The following PLS1 variants were observed in gnomAD, a reference collection of about 807,000 sequenced individuals.
PLS1 encodes the protein plastin 1, also known as plastin-1.
Under a neutral mutation model 73.7 loss-of-function variants are expected in PLS1, and 32 were observed. The ratio of observed to expected loss-of-function variants is 0.43; its 90% CI spans 0.33 to 0.58. The LOEUF (loss-of-function observed/expected upper bound fraction) is 0.58, where lower values mean the gene tolerates loss of function less well. Ranked by LOEUF, PLS1 falls within the 20% of genes least tolerant of loss-of-function variation. PLS1 has a pLI of 0.04. For synonymous variants in PLS1, 217 were observed against 261.3 expected, an observed-to-expected ratio of 0.83 and a Z score of 1.63; for missense variants, 633 against 740.5, an observed-to-expected ratio of 0.85 and a Z score of 1.68.
intron 1 of PLS1, among the ~76,000 whole-genome samples, chr3:142,614,445 C>G (rs979424171): frequency 1.3e-5 from 2 of 152,186 alleles, no homozygotes; most frequent in Non-Finnish European, 2.9e-5. Flanking sequence ...CACATGTTAT[C>G]TAGAGGGTAC....
intron 1 of PLS1, among the ~76,000 whole-genome samples, chr3:142,611,813 T>C (rs770166205): frequency 7.9e-5 from 12 of 152,192 alleles, no homozygotes; most frequent in Non-Finnish European, 1.6e-4. Context: ...CTATTACATA[T>C]ATTAGGCCTT....
intron 1 of PLS1, among the ~76,000 whole-genome samples, chr3:142,634,249 A>T (rs2036628852): frequency 6.6e-6 from 1 of 152,218 alleles, no homozygotes; most frequent in Non-Finnish European, 1.5e-5. Flanking sequence ...AACAGAAGAA[A>T]TATTTGAAGA....
chr3:142,629,219 C>T (rs531677884), intron 1 of PLS1, among the ~76,000 whole-genome samples: 1 of 142,520 alleles, frequency 7.0e-6, no homozygotes, highest in African/African-American at 2.7e-5. Flanking sequence ...TTTTTTGAGA[C>T]ATAGTCTCAC....
chr3:142,673,350 C>T (rs79545936), intron 4 of PLS1, among the ~76,000 whole-genome samples: 1,650 of 152,194 alleles, frequency 0.011, 31 homozygotes, highest in African/African-American at 0.038. Flanking sequence ...CTTTTTATTG[C>T]TGAATATTCC....
chr3:142,657,137 C>T (rs2037256146), intron 1 of PLS1: 1 of 152,316 alleles, frequency 6.6e-6, no homozygotes, highest in Non-Finnish European at 1.5e-5. Context: ...TCTTCAGTGG[C>T]TACCTGGGAA....
At chr3:142,600,903 TATATATATATA>T (rs2035907776) in intron 1 of PLS1, among the ~76,000 whole-genome samples, 17 of 32,566 alleles carry the variant, frequency 5.2e-4, no homozygotes, top group African/African-American at 2.2e-3. Context: ...TATATATATA[TATATATATATA>T]TATTTTTTTT....
intron 1 of PLS1, among the ~76,000 whole-genome samples, chr3:142,621,501 G>C (rs562447131): frequency 3.3e-5 from 5 of 152,274 alleles, no homozygotes; most frequent in African/African-American, 1.2e-4. Flanking sequence ...CTATTATGAA[G>C]CATGAAAGGC....
chr3:142,699,274 A>G (rs1026136506), intron 12 of PLS1, among the ~76,000 whole-genome samples: 64 of 152,168 alleles, frequency 4.2e-4, no homozygotes, highest in African/African-American at 1.5e-3. Context: ...GCTGGCCAAC[A>G]TAGTGAAAGC....
chr3:142,598,856 G>C (rs911605847), intron 1 of PLS1, among the ~76,000 whole-genome samples: 9 of 151,882 alleles, frequency 5.9e-5, no homozygotes, highest in Admixed American at 2.0e-4. Flanking sequence ...AATTAGCTGG[G>C]GGGGCATGGT....
At chr3:142,631,873 T>C (rs894227743) in intron 1 of PLS1, among the ~76,000 whole-genome samples, 4 of 152,016 alleles carry the variant, frequency 2.6e-5, no homozygotes, top group Non-Finnish European at 5.9e-5. Flanking sequence ...CACATGGGAC[T>C]TCATCAAACC....
intron 1 of PLS1, among the ~76,000 whole-genome samples, chr3:142,655,449 C>T (rs1223138675): frequency 2.0e-5 from 3 of 152,016 alleles, no homozygotes; most frequent in East Asian, 1.9e-4. Context: ...AGCCGGGCAC[C>T]GTGGCTCATG....
rs560135447 is a variant in PLS1, at chr3:142,704,609, AT to A, written c.1629+32del. On this transcript the variant is annotated intron_variant, in intron 14 of 15. Coordinates refer to ENST00000457734, the MANE Select transcript of PLS1 (RefSeq NM_001145319.2). Reference sequence around the variant, plus strand: ...AAGGTAATCAAGAGTCCTAAAAAAAATTTTTTTTTGTAGGTATAGGAAGGAA... The same window carrying A: ...AAGGTAATCAAGAGTCCTAAAAAAAATTTTTTTTGTAGGTATAGGAAGGAA... 3,886 of 1,253,118 alleles carry A rather than the reference AT, an allele frequency of 3.1e-3. 11 individuals carry two copies. Among genetic ancestry groups the A allele is most frequent in the Non-Finnish European group, 3.8e-3 (3,507 of 934,134 alleles). The allele number at this position is 1,253,118 out of a possible 1,614,324, so 77.6% of individuals were successfully genotyped here. A position where few individuals can be genotyped will look rare whatever the true frequency, so the allele number is the denominator to read the frequency against.
chr3:142,631,342 CG>C (rs1200644048), intron 1 of PLS1, among the ~76,000 whole-genome samples: 1 of 151,998 alleles, frequency 6.6e-6, no homozygotes, highest in Non-Finnish European at 1.5e-5. Context: ...GGTGAAACCC[CG>C]TTTCTACTAA....
chr3:142,600,237 G>C (rs2035890878), intron 1 of PLS1, among the ~76,000 whole-genome samples: 1 of 152,174 alleles, frequency 6.6e-6, no homozygotes, highest in African/African-American at 2.4e-5. Flanking sequence ...GAGGGAGTGA[G>C]GCTGGGGTCC....
intron 1 of PLS1, among the ~76,000 whole-genome samples, chr3:142,626,923 G>A (rs759493364): frequency 2.1e-4 from 32 of 152,188 alleles, no homozygotes; most frequent in Admixed American, 1.1e-3. Flanking sequence ...AGGAATGACA[G>A]TCACTGTCCA....
intron 1 of PLS1, among the ~76,000 whole-genome samples, chr3:142,662,234 A>G (rs543132214): frequency 6.6e-6 from 1 of 152,358 alleles, no homozygotes; most frequent in East Asian, 1.9e-4. Context: ...CTATGCAGCC[A>G]TAAAAAAGGA....
At chr3:142,680,893 T>C (rs570036901) in intron 6 of PLS1, among the ~76,000 whole-genome samples, 68 of 152,206 alleles carry the variant, frequency 4.5e-4, no homozygotes, top group Non-Finnish European at 8.2e-4. Flanking sequence ...CATTTCTTAA[T>C]CACTGTGTTA....
chr3:142,658,368 C>T lies in PLS1; in HGVS notation c.-36-5834C>T, dbSNP rs138143249. Among the ~76,000 whole-genome samples the T allele has an allele frequency of 4.5e-3, 676 of 151,228 alleles. 4 individuals carry two copies. The highest frequency in any genetic ancestry group is 0.015 in the African/African-American group (613 of 41,152). ...ATGGGTGCCTGTAGTCCCAGCTACTCGGGAGGCTGAGGTAGGAAAATTGCT... is the reference window on the plus strand; with the variant it reads ...ATGGGTGCCTGTAGTCCCAGCTACTTGGGAGGCTGAGGTAGGAAAATTGCT... On this transcript the variant is annotated intron_variant, in intron 1 of 15. Coordinates refer to ENST00000457734, the MANE Select transcript of PLS1 (RefSeq NM_001145319.2).
At chr3:142,702,470 A>C (rs1358599735) in intron 12 of PLS1, among the ~76,000 whole-genome samples, 1 of 152,172 alleles carries the variant, frequency 6.6e-6, no homozygotes, top group Non-Finnish European at 1.5e-5. Context: ...TGTGTACCTT[A>C]GGTTAGACTG....
Sources: allele counts gnomAD v4.1 joint callset (sites outside exome capture counted in the v4.1 genomes callset), GRCh38; gene constraint gnomAD v4.1.1; transcripts MANE v1.5; gene names NCBI Gene and HGNC (gene_info 2026-07-23, HGNC 2026-07-21).